PAXBP1: variants seen among roughly 807,000 people sequenced by gnomAD.
The protein encoded by PAXBP1 is PAX3 and PAX7 binding protein 1.
A neutral mutation model predicts 119.9 loss-of-function variants in PAXBP1; 44 were observed. The ratio of observed to expected loss-of-function variants is 0.37; its 90% CI spans 0.29 to 0.47. PAXBP1 has a LOEUF of 0.47. Ranked by LOEUF, PAXBP1 falls within the 20% of genes least tolerant of loss-of-function variation. PAXBP1 has a pLI of 0.99. For missense variants in PAXBP1, 898 were observed against 1,134.1 expected (o/e 0.79, Z 2.99); for synonymous variants, 393 against 406.6 (o/e 0.97, Z 0.40).
At chr21:32,745,817 G>A in intron 11 of PAXBP1, 99 bp from the exon 12 acceptor site, 1 of 1,448,002 alleles carries the variant, frequency 6.9e-7, no homozygotes. Context: ...ACCTTTGGTT[G>A]CAAACAACTA....
intron 7 of PAXBP1, among the ~76,000 whole-genome samples, chr21:32,757,709 C>G (rs2044066721): frequency 6.6e-6 from 1 of 152,208 alleles, no homozygotes; most frequent in Non-Finnish European, 1.5e-5. Context: ...CTTCAAGAAG[C>G]AGCTCTCCAG....
intron 8 of PAXBP1, among the ~76,000 whole-genome samples, chr21:32,754,323 T>C (rs1008320445): frequency 6.6e-6 from 1 of 152,196 alleles, no homozygotes; most frequent in Non-Finnish European, 1.5e-5. Context: ...TCACTGGGGA[T>C]AGAACCAGAA....
intron 12 of PAXBP1, 90 bp downstream of exon 12, chr21:32,745,484 A>C: frequency 6.5e-7 from 1 of 1,527,758 alleles, no homozygotes; most frequent in Non-Finnish European, 9.0e-7. Context: ...AATTTCTATA[A>C]GGAAACATGC....
At chr21:32,737,760 T>C (rs1375185560) in intron 16 of PAXBP1, among the ~76,000 whole-genome samples, 1 of 152,112 alleles carries the variant, frequency 6.6e-6, no homozygotes, top group Admixed American at 6.6e-5. Flanking sequence ...GATGTAAAAA[T>C]GAGTGGTATA....
chr21:32,756,945 T>C (rs982325282), intron 7 of PAXBP1, among the ~76,000 whole-genome samples: 1 of 152,174 alleles, frequency 6.6e-6, no homozygotes, highest in African/African-American at 2.4e-5. Context: ...CTTAACAATA[T>C]TGATTTATCT....
chr21:32,760,110 G>GTAA (rs1281373444), intron 5 of PAXBP1, 116 bp from the exon 6 acceptor site: 1 of 731,466 alleles, frequency 1.4e-6, no homozygotes, highest in Non-Finnish European at 2.2e-6. Flanking sequence ...CAAATATTAT[G>GTAA]TAATAATTGC....
intron 4 of PAXBP1, 139 bp from the exon 5 acceptor site, chr21:32,761,301 C>G: frequency 1.4e-6 from 1 of 690,184 alleles, no homozygotes; most frequent in South Asian, 1.8e-5. Flanking sequence ...TCTCCTCTCT[C>G]ATTTGGTAGT....
At chr21:32,742,966 G>A (rs1055151152) in intron 15 of PAXBP1, 6 of 543,990 alleles carry the variant, frequency 1.1e-5, no homozygotes, top group African/African-American at 3.8e-5. Context: ...GATACAGGGA[G>A]GACTACTGTA....
intron 15 of PAXBP1, 159 bp from the exon 16 acceptor site, chr21:32,738,478 G>T: frequency 1.6e-6 from 1 of 626,016 alleles, no homozygotes; most frequent in Non-Finnish European, 2.6e-6. Context: ...TTCCTAGAAT[G>T]GTTACATTTG....
intron 10 of PAXBP1, among the ~76,000 whole-genome samples, chr21:32,750,411 GGT>G (rs2043941119): frequency 1.3e-5 from 2 of 152,160 alleles, no homozygotes; most frequent in African/African-American, 4.8e-5. Context: ...AGTTCCAAAT[GGT>G]GTGCAATTGA....
chr21:32,741,821 C>A (rs2043790661), intron 15 of PAXBP1, among the ~76,000 whole-genome samples: 2 of 152,122 alleles, frequency 1.3e-5, no homozygotes, highest in Admixed American at 1.3e-4. Context: ...GAAAGGTGGG[C>A]AGGAGAAGGT....
chr21:32,761,890 T>C (rs990461123), intron 4 of PAXBP1, among the ~76,000 whole-genome samples: 8 of 151,964 alleles, frequency 5.3e-5, no homozygotes, highest in African/African-American at 1.7e-4. Context: ...ATAAAAAAAT[T>C]AGCCAGGTGT....
At chr21:32,743,652 CTT>C (rs2043823803) in intron 14 of PAXBP1, 24 bp downstream of exon 14, 15 of 1,461,394 alleles carry the variant, frequency 1.0e-5, no homozygotes, top group Non-Finnish European at 1.4e-5. Context: ...AGAATATTAT[CTT>C]TAATGTTCTT....
chr21:32,744,278 A>G (rs1391448416), intron 13 of PAXBP1, among the ~76,000 whole-genome samples: 21 of 142,482 alleles, frequency 1.5e-4, no homozygotes, highest in African/African-American at 3.9e-4. Flanking sequence ...AAAAAAAAAG[A>G]AAAAAAAAAA....
chr21:32,744,999 T>G, intron 12 of PAXBP1, 86 bp from the exon 13 acceptor site: 1 of 1,378,876 alleles, frequency 7.3e-7, no homozygotes, highest in Non-Finnish European at 9.9e-7. Context: ...ATGCCAATCC[T>G]AATTTATTTT....
chr21:32,771,075 ACT>A (rs1206301343), intron 1 of PAXBP1, among the ~76,000 whole-genome samples: 1 of 152,170 alleles, frequency 6.6e-6, no homozygotes, highest in Non-Finnish European at 1.5e-5. Context: ...CCCCTGAAAC[ACT>A]CTGAATGCCT....
intron 3 of PAXBP1, among the ~76,000 whole-genome samples, chr21:32,762,907 G>A (rs150619570): frequency 0.012 from 1,538 of 126,512 alleles, 27 homozygotes; most frequent in African/African-American, 0.044. Flanking sequence ...GCACAACTCC[G>A]TCTCAAAAAA....
chr21:32,770,582 C>T (rs986180568), intron 1 of PAXBP1, among the ~76,000 whole-genome samples: 1 of 152,144 alleles, frequency 6.6e-6, no homozygotes, highest in African/African-American at 2.4e-5. Flanking sequence ...TTTTTCGTAA[C>T]ATGGAATTAA....
rs775784630 is a variant in PAXBP1 at position 32,762,155 on chromosome 21, C to T, written c.812G>A (p.Arg271His). The T allele has an allele frequency of 2.6e-5, 42 of 1,614,020 alleles. No individual in the cohort carries two copies. In the East Asian group the frequency reaches 6.0e-4, roughly 23 times the overall value. ...ASDDEDDDEK[R>H]RIVFSVKEKS... ...TTCTTTCACAGAAAAAACTATCCGG[C>T]GTTTCTCATCGTCATCTTCATCATC... The change falls in exon 4 of 18, where the codon CGC becomes CAC. Residue 271 changes from arginine to histidine, a missense_variant. Physicochemically the swap from Arg to His is conservative, Grantham distance 29 (BLOSUM62 0). Coordinates refer to ENST00000331923, the MANE Select transcript of PAXBP1 (RefSeq NM_016631.4).
Sources: allele counts gnomAD v4.1 joint callset (sites outside exome capture counted in the v4.1 genomes callset), GRCh38; gene constraint gnomAD v4.1.1; transcripts MANE v1.5; gene names NCBI Gene and HGNC (gene_info 2026-07-23, HGNC 2026-07-21).